KCNK3: variants seen among roughly 807,000 people sequenced by gnomAD.
KCNK3 encodes the protein potassium channel subfamily K member 3.
A neutral mutation model predicts 27.3 loss-of-function variants in KCNK3; 9 were observed. The ratio of observed to expected loss-of-function variants is 0.33; its 90% CI spans 0.20 to 0.57. The LOEUF (loss-of-function observed/expected upper bound fraction) is 0.57. Among genes scored for constraint, KCNK3 ranks in the 20% least tolerant of loss-of-function variants. The probability of loss-of-function intolerance (pLI) is 0.87; values close to 1 mark genes in which losing one functional copy is unlikely to be tolerated. For synonymous variants in KCNK3, 278 were observed against 273.8 expected, an observed-to-expected ratio of 1.02 and a Z score of -0.15; for missense variants, 391 against 577.7, an observed-to-expected ratio of 0.68 and a Z score of 3.31.
chr2:26,711,020 CT>C (rs1363886762), intron 1 of KCNK3, among the ~76,000 whole-genome samples: 3 of 152,224 alleles, frequency 2.0e-5, no homozygotes, highest in African/African-American at 7.2e-5. Context: ...AATGTGCCCC[CT>C]CCCTCACGGT....
At position 26,732,485 on chromosome 2, in the gene KCNK3, G is replaced by A. The variant is rs1056325400; in HGVS notation, c.*3917G>A. 1 of 152,232 alleles carries A rather than the reference G, an allele frequency of 6.6e-6. No homozygotes were observed. Among genetic ancestry groups the A allele is most frequent in the Non-Finnish European group, 1.5e-5 (1 of 68,058 alleles). The allele number at this position is 152,232 out of a possible 1,614,324, so 9.4% of individuals were successfully genotyped here. On this transcript the variant is annotated 3_prime_UTR_variant, in exon 2 of 2. Transcript: ENST00000302909. ...CCCTCGTTACCCGCATAGGTCAACTGAAAGATACAGAGAGGGAAGCTTTGA... is the reference window on the plus strand; with the variant it reads ...CCCTCGTTACCCGCATAGGTCAACTAAAAGATACAGAGAGGGAAGCTTTGA...
chr2:26,721,672 A>G lies in KCNK3; in HGVS notation c.284-5995A>G, dbSNP rs1663330452. ...TCTGAGGGCCCTCCCTGTGTCTTGC[A>G]GCCCCCAGAGCTGCCTCTGTCTCCC... On this transcript the variant is annotated intron_variant, in intron 1 of 1. Coordinates refer to ENST00000302909, the MANE Select transcript of KCNK3 (RefSeq NM_002246.3). The surrounding 1 kb of genome is among the most constrained non-coding windows in gnomAD (Gnocchi z 4.3). 6.6e-6 allele frequency among the ~76,000 whole-genome samples: 1 copy of G among 152,072 alleles called. No individual in the cohort carries two copies. Among genetic ancestry groups the G allele is most frequent in the Non-Finnish European group, 1.5e-5 (1 of 68,018 alleles).
intron 1 of KCNK3, among the ~76,000 whole-genome samples, chr2:26,711,536 G>A (rs923586835): frequency 6.6e-6 from 1 of 152,102 alleles, no homozygotes; most frequent in Non-Finnish European, 1.5e-5. Flanking sequence ...TGGAGTGAAG[G>A]GAGGCAGTAT....
intron 1 of KCNK3, among the ~76,000 whole-genome samples, chr2:26,713,145 A>C (rs1663156157): frequency 1.3e-5 from 2 of 152,170 alleles, no homozygotes; most frequent in Non-Finnish European, 2.9e-5. Context: ...AATACCTGGC[A>C]GATGGTGGTG....
chr2:26,701,363 T>C (rs1178531440), intron 1 of KCNK3, among the ~76,000 whole-genome samples: 1 of 151,518 alleles, frequency 6.6e-6, no homozygotes, highest in African/African-American at 2.4e-5. Flanking sequence ...CACCGTGAGG[T>C]AGAAGAAAGG....
chr2:26,718,702 G>A (rs1007032048), intron 1 of KCNK3, among the ~76,000 whole-genome samples: 41 of 151,890 alleles, frequency 2.7e-4, no homozygotes, highest in Non-Finnish European at 1.6e-4. Flanking sequence ...TCGACCTCCC[G>A]GGCTCAAGGG....
chr2:26,725,840 A>G (rs902210158), intron 1 of KCNK3, among the ~76,000 whole-genome samples: 1 of 152,196 alleles, frequency 6.6e-6, no homozygotes, highest in African/African-American at 2.4e-5. Context: ...CAGAGGTGCC[A>G]GCTTTACTGG....
At chr2:26,705,574 G>A (rs1414031138) in intron 1 of KCNK3, among the ~76,000 whole-genome samples, 1 of 152,114 alleles carries the variant, frequency 6.6e-6, no homozygotes, top group Non-Finnish European at 1.5e-5. Context: ...CCAACCACAA[G>A]TGCCCTTGCC....
In KCNK3 at chr2:26,693,089, C is replaced by G. The variant is rs144204029; in HGVS notation, c.214C>G (p.His72Asp). 7 of 1,602,874 alleles carry G rather than the reference C, an allele frequency of 4.4e-6. No individual in the cohort carries two copies. Among genetic ancestry groups the G allele is most frequent in the Non-Finnish European group, 6.0e-6 (7 of 1,175,686 alleles). ...LERVVLRLKP[H>D]KAGVQWRFAG... Reference sequence around the variant, plus strand: ...GCGCGTCGTGCTGCGCCTCAAGCCGCACAAGGCCGGCGTGCAGTGGCGCTT... The same window carrying G: ...GCGCGTCGTGCTGCGCCTCAAGCCGGACAAGGCCGGCGTGCAGTGGCGCTT... The change falls in exon 1 of 2, where the codon CAC (histidine) becomes GAC (aspartate). Residue 72 changes from histidine (H) to aspartate (D), a missense_variant. His to Asp is a moderately conservative substitution (Grantham distance 81, BLOSUM62 -1). Around this residue, in one of 4 missense-constraint regions of KCNK3, gnomAD observed 158 missense variants for 267.7 expected, o/e 0.59. Transcript: ENST00000302909. The surrounding 1 kb of genome is among the most constrained non-coding windows in gnomAD (Gnocchi z 5.5).
chr2:26,694,475 G>A (rs1236840723), intron 1 of KCNK3, among the ~76,000 whole-genome samples: 2 of 152,136 alleles, frequency 1.3e-5, no homozygotes, highest in East Asian at 1.9e-4. Context: ...CTCTTCCTGC[G>A]GTCTATCCAC....
intron 1 of KCNK3, among the ~76,000 whole-genome samples, chr2:26,715,415 A>G (rs1408271514): frequency 1.3e-5 from 2 of 152,250 alleles, no homozygotes; most frequent in Non-Finnish European, 2.9e-5. Context: ...AAGAAGTACA[A>G]GGCAGTACCC....
chr2:26,711,917 G>T (rs1304249564), intron 1 of KCNK3, among the ~76,000 whole-genome samples: 1 of 152,170 alleles, frequency 6.6e-6, no homozygotes, highest in African/African-American at 2.4e-5. Context: ...GGGGAGCTGG[G>T]TCCTGGGGAG....
chr2:26,706,887 G>A (rs551275700), intron 1 of KCNK3, among the ~76,000 whole-genome samples: 14 of 152,240 alleles, frequency 9.2e-5, no homozygotes, highest in Admixed American at 2.0e-4. Flanking sequence ...AACCTGGGGC[G>A]AGTCATACCT....
At position 26,721,238 on chromosome 2, in the gene KCNK3, G is replaced by T. The variant is rs1663322567; in HGVS notation, c.284-6429G>T. Among the ~76,000 whole-genome samples, 2 of 152,126 alleles carry T rather than the reference G, an allele frequency of 1.3e-5. No individual in the cohort carries two copies. The highest frequency in any genetic ancestry group is 4.8e-5 in the African/African-American group (2 of 41,418). On this transcript the variant is annotated intron_variant, in intron 1 of 1. Transcript: ENST00000302909. The surrounding 1 kb of genome is among the most constrained non-coding windows in gnomAD (Gnocchi z 4.3). ...TGTGGACATGAGTGCCCAAATACAGGGTGGGGGCCTGAGAGGGGCAGAGGG... is the reference window on the plus strand; with the variant it reads ...TGTGGACATGAGTGCCCAAATACAGTGTGGGGGCCTGAGAGGGGCAGAGGG...
intron 1 of KCNK3, among the ~76,000 whole-genome samples, chr2:26,703,064 C>CT (rs1322546378): frequency 2.6e-5 from 4 of 152,068 alleles, no homozygotes; most frequent in South Asian, 4.2e-4. Flanking sequence ...TGCAGTGAGC[C>CT]AAGATTGCAC....
intron 1 of KCNK3, among the ~76,000 whole-genome samples, chr2:26,708,753 G>A (rs963803642): frequency 3.9e-5 from 6 of 152,220 alleles, no homozygotes; most frequent in African/African-American, 1.4e-4. Flanking sequence ...GGTCTAAGTG[G>A]GTTGTGATGT....
chr2:26,708,878 G>A (rs1047369342), intron 1 of KCNK3, among the ~76,000 whole-genome samples: 3 of 152,170 alleles, frequency 2.0e-5, no homozygotes, highest in African/African-American at 7.2e-5. Context: ...CCACCCGCAG[G>A]TCAACCCCTC....
At chr2:26,705,899 C>A (rs371879289) in intron 1 of KCNK3, among the ~76,000 whole-genome samples, 1 of 152,104 alleles carries the variant, frequency 6.6e-6, no homozygotes, top group East Asian at 1.9e-4. Context: ...TCAGACGGCC[C>A]TTGTGTGCTG....
intron 1 of KCNK3, 44 bp from the exon 2 acceptor site, chr2:26,727,623 C>T (rs766332777): frequency 6.6e-7 from 1 of 1,511,614 alleles, no homozygotes; most frequent in South Asian, 1.3e-5. Context: ...GGAAGGGCAG[C>T]CCCAAAATGT....
Sources: gnomAD v4.1 joint callset for allele counts (sites outside exome capture counted in the v4.1 genomes callset) on GRCh38, gnomAD v4.1.1 for gene constraint, gnomAD v4.1.1 regional missense constraint, Gnocchi (gnomAD v3.1) non-coding constraint, MANE v1.5 for transcripts, NCBI Gene and HGNC (gene_info 2026-07-23, HGNC 2026-07-21) for gene names.